DHX35: variants seen among roughly 807,000 people sequenced by gnomAD.
DHX35 encodes DEAH-box helicase 35.
Under a neutral mutation model 99.6 loss-of-function variants are expected in DHX35, and 84 were observed. The ratio of observed to expected loss-of-function variants is 0.84; its 90% CI spans 0.71 to 1.01. The LOEUF is 1.01. DHX35 is among the 50% of genes least tolerant of loss of function. The probability of loss-of-function intolerance (pLI) is 0.00; values close to 1 mark genes in which losing one functional copy is unlikely to be tolerated. For missense variants in DHX35, 852 were observed against 888.5 expected (o/e 0.96, Z 0.52); for synonymous variants, 331 against 316.2 (o/e 1.05, Z -0.50).
intron 17 of DHX35, 88 bp from the exon 18 acceptor site, chr20:39,025,142 G>A (rs1226535691): frequency 4.2e-6 from 6 of 1,443,882 alleles, no homozygotes; most frequent in Non-Finnish European, 5.6e-6. Flanking sequence ...ACAGCACATG[G>A]GGGAAGAGAG....
At chr20:38,967,604 AGTT>A (rs1293701784) in intron 1 of DHX35, among the ~76,000 whole-genome samples, 3 of 152,144 alleles carry the variant, frequency 2.0e-5, no homozygotes, top group African/African-American at 7.2e-5. Context: ...GTTTCTCCTG[AGTT>A]GTTTTTCTGT....
chr20:38,984,948 A>G (rs907073658), intron 4 of DHX35, among the ~76,000 whole-genome samples: 1 of 149,834 alleles, frequency 6.7e-6, no homozygotes, highest in African/African-American at 2.5e-5. Flanking sequence ...TTTTGTTGAT[A>G]TAAAATTCTT....
chr20:39,020,656 C>CTTTTTTTTTTTTTTTTTTTTTT (rs57246257), intron 15 of DHX35, among the ~76,000 whole-genome samples: 1 of 105,218 alleles, frequency 9.5e-6, no homozygotes, highest in Non-Finnish European at 1.9e-5. Flanking sequence ...AAACAGGATT[C>CTTTTTTTTTTTTTTTTTTTTTT]TTTTTTTTTT....
intron 16 of DHX35, among the ~76,000 whole-genome samples, 174 bp downstream of exon 16, chr20:39,022,109 C>T (rs2086882278): frequency 6.6e-6 from 1 of 152,116 alleles, no homozygotes; most frequent in Admixed American, 6.5e-5. Flanking sequence ...AGGCATCATT[C>T]CACTTTATCT....
At chr20:39,017,584 T>C (rs1469076649) in intron 14 of DHX35, among the ~76,000 whole-genome samples, 1 of 152,232 alleles carries the variant, frequency 6.6e-6, no homozygotes, top group African/African-American at 2.4e-5. Flanking sequence ...TCATTTGATT[T>C]CAAGCTGAAT....
chr20:39,001,389 A>G (rs542097112), intron 8 of DHX35, among the ~76,000 whole-genome samples: 3 of 152,332 alleles, frequency 2.0e-5, no homozygotes, highest in South Asian at 4.1e-4. Context: ...CCTTTGACCT[A>G]ATTTTTGCTT....
At chr20:39,019,579 TTTAA>T (rs1949403495) in intron 15 of DHX35, among the ~76,000 whole-genome samples, 2 of 152,220 alleles carry the variant, frequency 1.3e-5, no homozygotes, top group Admixed American at 1.3e-4. Context: ...AAAATGTATT[TTTAA>T]TTGACAAATA....
chr20:38,974,218 A>G (rs1008312481), intron 3 of DHX35, among the ~76,000 whole-genome samples: 1 of 152,254 alleles, frequency 6.6e-6, no homozygotes, highest in African/African-American at 2.4e-5. Context: ...TGACTTAGAA[A>G]CTGGAGGAGG....
chr20:39,002,838 C>T lies in DHX35; in HGVS notation c.822C>T (p.Asp274=), dbSNP rs146424401. 6.6e-4 allele frequency: 1,063 copies of T among 1,614,024 alleles called. No homozygotes were observed. Among genetic ancestry groups the T allele is most frequent in the Non-Finnish European group, 8.2e-4 (964 of 1,180,014 alleles). ...TVVKIHQTEG[D]GDVLAFLTGQ... ...TGAAAATTCACCAGACAGAGGGAGA[C>T]GGAGACGTTTTAGCATTTCTTACTG... The change falls in exon 10 of 22, where the codon GAC becomes GAT. Residue 274 remains aspartate (D), a synonymous_variant. Coordinates refer to ENST00000252011, the MANE Select transcript of DHX35 (RefSeq NM_021931.4).
chr20:38,973,311 T>A (rs2086029932), intron 3 of DHX35, among the ~76,000 whole-genome samples: 1 of 152,192 alleles, frequency 6.6e-6, no homozygotes, highest in African/African-American at 2.4e-5. Context: ...TAATGTTAAT[T>A]TTCTTGAGGT....
At position 39,025,318 on chromosome 20, in the gene DHX35, A is replaced by G. The variant is rs762031631; in HGVS notation, c.1760A>G (p.Lys587Arg). The change falls in exon 18 of 22, where the codon AAG becomes AGG. Residue 587 changes from lysine (K) to arginine (R), a missense_variant. Coordinates refer to ENST00000252011, the MANE Select transcript of DHX35 (RefSeq NM_021931.4). Reference sequence around the variant, plus strand: ...GCGACTGTAAGAGAACAATTGAAAAAGCTTCTTGTCAAGTTTCAAGTGCCC... The same window carrying G: ...GCGACTGTAAGAGAACAATTGAAAAGGCTTCTTGTCAAGTTTCAAGTGCCC... The part of the protein sequence containing the change: ...RAATVREQLK[K>R]LLVKFQVPRK... The G allele has an allele frequency of 2.0e-5, 32 of 1,613,758 alleles. No individual in the cohort carries two copies. The highest frequency in any genetic ancestry group is 2.5e-5 in the Non-Finnish European group (30 of 1,179,886).
At chr20:39,028,736 A>G (rs546364074) in intron 19 of DHX35, among the ~76,000 whole-genome samples, 12 of 152,380 alleles carry the variant, frequency 7.9e-5, no homozygotes, top group African/African-American at 2.2e-4. Context: ...AAGGATGACA[A>G]TTATACATCT....
At chr20:38,998,307 C>T (rs1374827743) in intron 8 of DHX35, among the ~76,000 whole-genome samples, 2 of 152,200 alleles carry the variant, frequency 1.3e-5, no homozygotes, top group Non-Finnish European at 2.9e-5. Flanking sequence ...ACTAATTTCT[C>T]TTTCCAGATT....
In DHX35 at chr20:38,970,827, CAT is replaced by C. The variant is rs561137693; in HGVS notation, c.174+1615_174+1616del. ...TCTCCCAACTGTACTTACAAGATAA[CAT>C]AAATGAAACAGCAAATGAAAAAAAA... On this transcript the variant is annotated intron_variant, in intron 2 of 21. Coordinates refer to ENST00000252011, the MANE Select transcript of DHX35 (RefSeq NM_021931.4). 2.5e-3 allele frequency among the ~76,000 whole-genome samples: 355 copies of C among 142,122 alleles called. 1 individual carries two copies. Among genetic ancestry groups the C allele is most frequent in the Non-Finnish European group, 2.9e-3 (187 of 65,026 alleles). 93.2% of individuals were successfully genotyped at this position (142,122 alleles called of 152,430 possible). A position where few individuals can be genotyped will look rare whatever the true frequency, so the allele number is the denominator to read the frequency against.
intron 11 of DHX35, 148 bp downstream of exon 11, chr20:39,004,055 A>G (rs2086570755): frequency 1.1e-6 from 1 of 937,958 alleles, no homozygotes; most frequent in Non-Finnish European, 1.6e-6. Context: ...AATAAATAAT[A>G]CATTGTGAAG....
rs1287292384 is a variant in DHX35 at position 38,969,160 on chromosome 20, C to T, written c.120C>T (p.Asn40=). The T allele has an allele frequency of 6.2e-7, 1 of 1,613,864 alleles. No individual in the cohort carries two copies. The highest frequency in any genetic ancestry group is 1.7e-5 in the Admixed American group (1 of 60,006). The change falls in exon 2 of 22, where the codon AAC becomes AAT. Residue 40 remains asparagine, a synonymous_variant. Transcript: ENST00000252011. Reference sequence around the variant, plus strand: ...ACTCTGGGACAACGGTTGTTTACAACCCTTATGCTGCCCTTTCCATAGAGC... The same window carrying T: ...ACTCTGGGACAACGGTTGTTTACAATCCTTATGCTGCCCTTTCCATAGAGC... ...AENSGTTVVY[N]PYAALSIEQQ... is the part of the protein sequence containing the mutation.
At chr20:38,997,977 G>T (rs1043479261) in intron 8 of DHX35, among the ~76,000 whole-genome samples, 50 of 152,222 alleles carry the variant, frequency 3.3e-4, no homozygotes, top group African/African-American at 1.2e-3. Context: ...TAGGCCACCT[G>T]CCGTGGTTTC....
At chr20:39,010,657 G>A (rs995753904) in intron 13 of DHX35, among the ~76,000 whole-genome samples, 2 of 152,178 alleles carry the variant, frequency 1.3e-5, no homozygotes, top group African/African-American at 2.4e-5. Flanking sequence ...GGTAATTACA[G>A]AGCAGTGTGC....
intron 8 of DHX35, among the ~76,000 whole-genome samples, chr20:38,996,672 A>G (rs1322282215): frequency 2.0e-5 from 3 of 152,180 alleles, no homozygotes; most frequent in Non-Finnish European, 4.4e-5. Flanking sequence ...CTTCTGGGAT[A>G]CAGAACAACT....
Sources: gnomAD v4.1 joint callset for allele counts (sites outside exome capture counted in the v4.1 genomes callset) on GRCh38, gnomAD v4.1.1 for gene constraint, MANE v1.5 for transcripts, NCBI Gene and HGNC (gene_info 2026-07-23, HGNC 2026-07-21) for gene names.